PHF14: variants seen among roughly 807,000 people sequenced by gnomAD.
PHF14 encodes the protein PHD finger protein 14.
A neutral mutation model predicts 117.9 loss-of-function variants in PHF14; 55 were observed. That is an observed-to-expected ratio of 0.47 (90% confidence interval 0.38 to 0.58). The LOEUF is 0.58. PHF14 is among the 20% of genes least tolerant of loss of function. PHF14 has a pLI of 0.00. For missense variants in PHF14, 978 were observed against 1,122.2 expected (o/e 0.87, Z 1.84); for synonymous variants, 409 against 368.6 (o/e 1.11, Z -1.26).
At chr7:11,069,861 T>A (rs561019917) in intron 16 of PHF14, among the ~76,000 whole-genome samples, 4 of 149,436 alleles carry the variant, frequency 2.7e-5, no homozygotes, top group Admixed American at 6.7e-5. Context: ...TATTTATTTA[T>A]TTTTTTCTGG....
intron 2 of PHF14, among the ~76,000 whole-genome samples, chr7:10,977,299 C>G (rs529576126): frequency 1.3e-5 from 2 of 152,220 alleles, no homozygotes; most frequent in East Asian, 3.9e-4. Flanking sequence ...CTAGAAATGA[C>G]TCATTGAATG....
chr7:11,013,064 A>G (rs544812033), intron 4 of PHF14, among the ~76,000 whole-genome samples: 8 of 152,272 alleles, frequency 5.3e-5, no homozygotes, highest in African/African-American at 1.9e-4. Context: ...TCTTTTATAT[A>G]TATATTTTAG....
intron 17 of PHF14, among the ~76,000 whole-genome samples, chr7:11,157,858 C>A (rs1316782030): frequency 6.6e-6 from 1 of 152,150 alleles, no homozygotes; most frequent in African/African-American, 2.4e-5. Context: ...CTGATTGCCT[C>A]TGCACATTAT....
intron 17 of PHF14, among the ~76,000 whole-genome samples, chr7:11,143,270 T>G (rs1435318389): frequency 6.6e-6 from 1 of 152,124 alleles, no homozygotes; most frequent in Admixed American, 6.6e-5. Context: ...ATGTTTTCTA[T>G]CAATAACCAT....
At chr7:11,066,624 T>C (rs906375287) in intron 16 of PHF14, among the ~76,000 whole-genome samples, 1 of 152,186 alleles carries the variant, frequency 6.6e-6, no homozygotes, top group Non-Finnish European at 1.5e-5. Context: ...TTAAGGAAGG[T>C]TTGTTTATTA....
At chr7:10,979,509 A>G (rs1781982114) in intron 2 of PHF14, among the ~76,000 whole-genome samples, 1 of 151,316 alleles carries the variant, frequency 6.6e-6, no homozygotes, top group African/African-American at 2.4e-5. Context: ...TCTGCCTAAG[A>G]TAATTTCTCC....
At position 10,982,358 on chromosome 7, in the gene PHF14, C is replaced by G. The variant is rs1386437564; in HGVS notation, c.113-14C>G. 1.4e-6 allele frequency: 2 copies of G among 1,462,230 alleles called. No homozygotes were observed. Among genetic ancestry groups the G allele is most frequent in the Non-Finnish European group, 9.1e-7 (1 of 1,100,352 alleles). The allele number at this position is 1,462,230 out of a possible 1,614,324, so 90.6% of individuals were successfully genotyped here. On this transcript the variant is annotated splice_polypyrimidine_tract_variant and intron_variant, in intron 2 of 17. Coordinates refer to ENST00000634607, the MANE Select transcript of PHF14 (RefSeq NM_001007157.2). ...TACATATGTGTGGTTTTTTTTTTCT[C>G]ATATTTTCAACAGATTCTGAAGGGA...
At chr7:11,081,814 C>T (rs560793702) in intron 16 of PHF14, among the ~76,000 whole-genome samples, 1 of 151,652 alleles carries the variant, frequency 6.6e-6, no homozygotes, top group Admixed American at 6.6e-5. Flanking sequence ...TGAGATCGCG[C>T]CACCACACTC....
chr7:11,035,645 A>AGCAGAT lies in PHF14; in HGVS notation c.1462_1467dup (p.Ala488_Asp489dup). 1 of 1,607,004 alleles carries AGCAGAT rather than the reference A, an allele frequency of 6.2e-7. No homozygotes were observed. Among genetic ancestry groups the AGCAGAT allele is most frequent in the Non-Finnish European group, 8.5e-7 (1 of 1,175,146 alleles). On this transcript the variant is annotated inframe_insertion, in exon 8 of 18. Transcript: ENST00000634607. ...TCTGTGCTTTCTTTGTATAGGATAT[A>AGCAGAT]GCAGATCCATTCTTTGCTTATTGTA...
chr7:11,100,510 T>C (rs909054544), intron 16 of PHF14, among the ~76,000 whole-genome samples: 9 of 152,102 alleles, frequency 5.9e-5, no homozygotes, highest in African/African-American at 2.2e-4. Flanking sequence ...AATGATATTA[T>C]GTAAATTAAG....
intron 16 of PHF14, among the ~76,000 whole-genome samples, chr7:11,086,194 TTTGTTACTA>T (rs1318164289): frequency 8.5e-5 from 13 of 152,174 alleles, no homozygotes; most frequent in Admixed American, 3.9e-4. Context: ...AAAACATGAA[TTTGTTACTA>T]TTGTACTCAA....
At chr7:11,149,124 T>G (rs181157164) in intron 17 of PHF14, among the ~76,000 whole-genome samples, 1 of 152,242 alleles carries the variant, frequency 6.6e-6, no homozygotes, top group East Asian at 1.9e-4. Context: ...GGATTCAAAA[T>G]AAGATTTGTC....
At chr7:11,060,238 C>G (rs956423200) in intron 14 of PHF14, among the ~76,000 whole-genome samples, 1 of 152,066 alleles carries the variant, frequency 6.6e-6, no homozygotes, top group African/African-American at 2.4e-5. Context: ...CTGATTTAAC[C>G]ACTTATAAAT....
Position 11,090,958 on chromosome 7 carries a change from A to G in PHF14, c.2655-20392A>G, listed in dbSNP as rs915448474. On this transcript the variant is annotated intron_variant, in intron 16 of 17. Coordinates refer to ENST00000634607, the MANE Select transcript of PHF14 (RefSeq NM_001007157.2). ...ACACAAATAAAGACAAAGTGGGACC[A>G]TATGAGTCATGTGTGATGTAGGTTT... Among the ~76,000 whole-genome samples, 31 of 152,328 alleles carry G rather than the reference A, an allele frequency of 2.0e-4. No individual in the cohort carries two copies. The East Asian group carries it at 6.0e-3, about 29-fold the overall frequency.
intron 4 of PHF14, among the ~76,000 whole-genome samples, chr7:11,007,091 CGCTTGAACCCAGGAGG>C (rs1382297096): frequency 6.6e-6 from 1 of 151,824 alleles, no homozygotes; most frequent in African/African-American, 2.4e-5. Context: ...GCAGGAGAAT[CGCTTGAACCCAGGAGG>C]GCTTGAACCC....
In PHF14 at chr7:11,117,273, A is replaced by G. The variant is rs1468574015; in HGVS notation, c.2772+5806A>G. Among the ~76,000 whole-genome samples the G allele has an allele frequency of 3.3e-5, 5 of 151,872 alleles. No individual in the cohort carries two copies. The East Asian group carries it at 7.7e-4, about 23-fold the overall frequency. On this transcript the variant is annotated intron_variant, in intron 17 of 17. Transcript: ENST00000634607. Reference sequence around the variant, plus strand: ...CATGACAGGTCATTATCTGACTACTACAAGGTGAGCTGTCTTAGCTTGGAG... The same window carrying G: ...CATGACAGGTCATTATCTGACTACTGCAAGGTGAGCTGTCTTAGCTTGGAG...
intron 16 of PHF14, chr7:11,107,446 C>A: frequency 1.2e-6 from 1 of 819,222 alleles, no homozygotes; most frequent in Non-Finnish European, 1.5e-6. Flanking sequence ...AATCTGATAG[C>A]TAGGAAGTTG....
chr7:11,061,677 A>T, intron 14 of PHF14, 114 bp from the exon 15 acceptor site: 1 of 693,782 alleles, frequency 1.4e-6, no homozygotes, highest in East Asian at 3.1e-5. Context: ...CTAATTTTGC[A>T]AGTGCCTAAC....
In PHF14 at chr7:11,069,713, T is replaced by TC. The variant is rs1280717428; in HGVS notation, c.2654+7630dup. On this transcript the variant is annotated intron_variant, in intron 16 of 17. Coordinates refer to ENST00000634607, the MANE Select transcript of PHF14 (RefSeq NM_001007157.2). Reference sequence around the variant, plus strand: ...TCCTTCCTTCCTTCTTTCTTGTCTTTCCTTTTTTTTTGGTTGGTTGGTTGT... The same window carrying TC: ...TCCTTCCTTCCTTCTTTCTTGTCTTTCCCTTTTTTTTTGGTTGGTTGGTTGT... Among the ~76,000 whole-genome samples the TC allele has an allele frequency of 8.8e-5, 13 of 147,272 alleles. No homozygotes were observed. The East Asian group carries it at 2.7e-3, about 31-fold the overall frequency.
Sources: allele counts gnomAD v4.1 joint callset (sites outside exome capture counted in the v4.1 genomes callset), GRCh38; gene constraint gnomAD v4.1.1; transcripts MANE v1.5; gene names NCBI Gene and HGNC (gene_info 2026-07-23, HGNC 2026-07-21).